Variants in FOXP2 observed in about 807,000 individuals in gnomAD.
FOXP2 encodes forkhead box P2, also known as forkhead box protein P2.
In FOXP2, 12 loss-of-function variants were observed where a neutral mutation model predicts 115.8. That is an observed-to-expected ratio of 0.10 (90% confidence interval 0.07 to 0.17). FOXP2 has a LOEUF of 0.17. FOXP2 is among the 10% of genes least tolerant of loss of function. FOXP2 has a pLI of 1.00. For missense variants in FOXP2, 629 were observed against 843.5 expected (o/e 0.75, Z 3.15); for synonymous variants, 328 against 297.7 (o/e 1.10, Z -1.05).
intron 16 of FOXP2, among the ~76,000 whole-genome samples, chr7:114,687,481 T>G (rs1317573252): frequency 6.6e-6 from 1 of 152,192 alleles, no homozygotes. Flanking sequence ...CCAGACATCT[T>G]AATATAGCGT....
intron 2 of FOXP2, among the ~76,000 whole-genome samples, chr7:114,440,413 A>T (rs1480297627): frequency 2.0e-5 from 3 of 152,214 alleles, no homozygotes; most frequent in Non-Finnish European, 4.4e-5. Context: ...GATCTCATTC[A>T]TGTAGCCAGT....
At chr7:114,272,689 A>T (rs1285515150) in intron 1 of FOXP2, among the ~76,000 whole-genome samples, 1 of 151,776 alleles carries the variant, frequency 6.6e-6, no homozygotes, top group Non-Finnish European at 1.5e-5. Flanking sequence ...TGTCTTTCAG[A>T]CTTTCATCCA....
chr7:114,666,447 C>G (rs1220961607), intron 16 of FOXP2: 1 of 151,860 alleles, frequency 6.6e-6, no homozygotes, highest in Non-Finnish European at 1.5e-5. Context: ...TTATAAAGTT[C>G]TAAGATGCTT....
chr7:114,295,937 CT>C (rs1796733531), intron 2 of FOXP2, among the ~76,000 whole-genome samples: 1 of 152,076 alleles, frequency 6.6e-6, no homozygotes, highest in East Asian at 1.9e-4. Flanking sequence ...CTCGGAGTTG[CT>C]AATGCTCACT....
intron 1 of FOXP2, among the ~76,000 whole-genome samples, chr7:114,143,492 T>C (rs879876073): frequency 6.6e-6 from 1 of 151,984 alleles, no homozygotes; most frequent in Non-Finnish European, 1.5e-5. Context: ...GGTATGACAA[T>C]AGTTTATTTT....
chr7:114,253,699 A>G (rs1191103699), intron 1 of FOXP2, among the ~76,000 whole-genome samples: 2 of 151,766 alleles, frequency 1.3e-5, no homozygotes, highest in Non-Finnish European at 2.9e-5. Context: ...TGCATGTGAG[A>G]TGGGTCTCCT....
At chr7:114,652,988 T>C (rs1446214474) in intron 9 of FOXP2, among the ~76,000 whole-genome samples, 1 of 152,194 alleles carries the variant, frequency 6.6e-6, no homozygotes, top group Non-Finnish European at 1.5e-5. Flanking sequence ...TATGTTTTAC[T>C]AAGCCTTTAA....
chr7:114,190,930 G>A (rs1793742998), intron 1 of FOXP2, among the ~76,000 whole-genome samples: 1 of 152,110 alleles, frequency 6.6e-6, no homozygotes, highest in Admixed American at 6.6e-5. Context: ...GGAGCAGGAA[G>A]GTATAATTCC....
chr7:114,468,824 T>C (rs1270079720), intron 2 of FOXP2, among the ~76,000 whole-genome samples: 2 of 152,124 alleles, frequency 1.3e-5, no homozygotes, highest in Non-Finnish European at 2.9e-5. Flanking sequence ...CAACTTCCAA[T>C]TCTCATCAGT....
intron 2 of FOXP2, among the ~76,000 whole-genome samples, chr7:114,364,331 A>G (rs1791825564): frequency 6.6e-6 from 1 of 152,094 alleles, no homozygotes; most frequent in Non-Finnish European, 1.5e-5. Context: ...TCTCTTTGTT[A>G]TGTGGCACAG....
chr7:114,320,980 C>A (rs1250912324), intron 2 of FOXP2, among the ~76,000 whole-genome samples: 3 of 152,184 alleles, frequency 2.0e-5, no homozygotes, highest in Non-Finnish European at 2.9e-5. Context: ...ATTAAAAATT[C>A]TACGGGAAAT....
intron 1 of FOXP2, among the ~76,000 whole-genome samples, chr7:114,136,184 A>C (rs1792032910): frequency 6.6e-6 from 1 of 152,106 alleles, no homozygotes; most frequent in Non-Finnish European, 1.5e-5. Flanking sequence ...CACACATAGC[A>C]TTCTTGATAC....
At chr7:114,438,222 T>C (rs1794439157) in intron 2 of FOXP2, among the ~76,000 whole-genome samples, 1 of 152,166 alleles carries the variant, frequency 6.6e-6, no homozygotes, top group South Asian at 2.1e-4. Flanking sequence ...CTAGATTAGC[T>C]ATCTTTTTCT....
At chr7:114,103,386 T>C (rs1184337444) in intron 1 of FOXP2, among the ~76,000 whole-genome samples, 1 of 152,110 alleles carries the variant, frequency 6.6e-6, no homozygotes, top group Non-Finnish European at 1.5e-5. Flanking sequence ...GCTATATTTA[T>C]TTACAGTGGC....
intron 2 of FOXP2, among the ~76,000 whole-genome samples, chr7:114,467,136 T>C (rs911289758): frequency 1.3e-5 from 2 of 152,170 alleles, no homozygotes; most frequent in African/African-American, 4.8e-5. Flanking sequence ...TGACCTCCAC[T>C]GTTTATTTAG....
At chr7:114,628,722 G>T (rs1270024692) in intron 4 of FOXP2, 45 bp downstream of exon 4, 3 of 1,612,964 alleles carry the variant, frequency 1.9e-6, no homozygotes, top group Non-Finnish European at 2.5e-6. Context: ...GACTTAGAAG[G>T]TGTGCACTTA....
intron 2 of FOXP2, among the ~76,000 whole-genome samples, chr7:114,307,647 G>C (rs1797047513): frequency 6.6e-6 from 1 of 152,180 alleles, no homozygotes; most frequent in Non-Finnish European, 1.5e-5. Flanking sequence ...TCACTGAATA[G>C]CTGCAGCTAT....
intron 2 of FOXP2, among the ~76,000 whole-genome samples, chr7:114,516,743 T>C (rs1195413951): frequency 6.6e-6 from 1 of 152,074 alleles, no homozygotes; most frequent in Non-Finnish European, 1.5e-5. Flanking sequence ...TTGCCAAGGC[T>C]GGAATGCAGT....
intron 2 of FOXP2, among the ~76,000 whole-genome samples, chr7:114,527,661 A>G (rs557098218): frequency 1.3e-5 from 2 of 152,280 alleles, no homozygotes; most frequent in East Asian, 1.9e-4. Flanking sequence ...TTATTCTGCC[A>G]TCAGGCAAAC....
Sources: allele counts gnomAD v4.1 joint callset (sites outside exome capture counted in the v4.1 genomes callset), GRCh38; gene constraint gnomAD v4.1.1; transcripts MANE v1.5; gene names NCBI Gene and HGNC (gene_info 2026-07-23, HGNC 2026-07-21).